The following C10orf90 variants were observed in gnomAD, a reference collection of about 807,000 sequenced individuals.
C10orf90 encodes (E2-independent) E3 ubiquitin-conjugating enzyme FATS.
In C10orf90, 56 loss-of-function variants were observed where a neutral mutation model predicts 62.5. The ratio of observed to expected loss-of-function variants is 0.90; its 90% confidence interval spans 0.72 to 1.12. The LOEUF is 1.12. C10orf90 is among the 50% of genes most tolerant of loss of function. C10orf90 has a pLI of 0.00. For missense variants in C10orf90, 970 were observed against 880.4 expected (o/e 1.10, Z -1.29); for synonymous variants, 386 against 340.4 (o/e 1.13, Z -1.47).
At chr10:126,598,344 T>C (rs1462162145) in intron 2 of C10orf90, among the ~76,000 whole-genome samples, 1 of 152,200 alleles carries the variant, frequency 6.6e-6, no homozygotes, top group Non-Finnish European at 1.5e-5. Flanking sequence ...AATAATTATG[T>C]CTGGCATGCT....
At chr10:126,474,932 G>T (rs2133780564) in intron 4 of C10orf90, among the ~76,000 whole-genome samples, 1 of 152,328 alleles carries the variant, frequency 6.6e-6, no homozygotes, top group Non-Finnish European at 1.5e-5. Context: ...AAGCCGCAGA[G>T]ATCTAAGGAC....
chr10:126,528,922 C>T (rs763091090), intron 2 of C10orf90, among the ~76,000 whole-genome samples: 18 of 152,050 alleles, frequency 1.2e-4, no homozygotes, highest in Non-Finnish European at 2.2e-4. Context: ...CAAAGGCAGA[C>T]GTAGCCAGGG....
Position 126,461,481 on chromosome 10 carries a change from G to A in C10orf90, c.1930C>T (p.Arg644Cys), listed in dbSNP as rs770504519. Reference protein sequence around the residue: ...PSPAAPSPAPRDGAGSPGLSE... With the variant: ...PSPAAPSPAPCDGAGSPGLSE... ...AGGCCAGGGCTCCCTGCTCCATCGC[G>A]GGGTGCTGGCGAGGGTGCTGCTGGG... The change falls in exon 6 of 10, where the codon CGC becomes TGC. Residue 644 changes from arginine (R) to cysteine (C), a missense_variant. Physicochemically the swap from Arg to Cys is radical, Grantham distance 180. Coordinates refer to ENST00000488181, the MANE Select transcript of C10orf90 (RefSeq NM_001350921.2). 13 of 1,613,980 alleles carry A rather than the reference G, an allele frequency of 8.1e-6. No individual in the cohort carries two copies. The highest frequency in any genetic ancestry group is 5.5e-5 in the South Asian group (5 of 91,076).
In C10orf90 at chr10:126,542,801, G is replaced by A. The variant is rs185944576; in HGVS notation, c.314-28862C>T. ...AAATGTAGACTGGTAGAACATTTACGGGAGGAAAACTTGGCAGTATCTATT... is the reference window on the plus strand; with the variant it reads ...AAATGTAGACTGGTAGAACATTTACAGGAGGAAAACTTGGCAGTATCTATT... On this transcript the variant is annotated intron_variant, in intron 2 of 9. Transcript: ENST00000488181. Among the ~76,000 whole-genome samples the A allele has an allele frequency of 4.8e-3, 726 of 152,214 alleles. 5 individuals are homozygous for A. The highest frequency in any genetic ancestry group is 0.017 in the African/African-American group (700 of 41,544).
chr10:126,494,787 A>G (rs1406559952), intron 4 of C10orf90, among the ~76,000 whole-genome samples: 1 of 152,232 alleles, frequency 6.6e-6, no homozygotes, highest in Non-Finnish European at 1.5e-5. Context: ...CTACAAGGGC[A>G]TTTATTTCAA....
intron 2 of C10orf90, among the ~76,000 whole-genome samples, chr10:126,566,195 G>A (rs1393009244): frequency 1.3e-5 from 2 of 152,126 alleles, no homozygotes; most frequent in African/African-American, 2.4e-5. Flanking sequence ...AAACATTCAC[G>A]ATCATGATAC....
At chr10:126,514,007 A>T in intron 2 of C10orf90, 68 bp from the exon 3 acceptor site, 1 of 1,145,606 alleles carries the variant, frequency 8.7e-7, no homozygotes, top group Middle Eastern at 2.1e-4. Flanking sequence ...ATATAACTCT[A>T]CTGTAAAATT....
intron 7 of C10orf90, among the ~76,000 whole-genome samples, chr10:126,431,274 C>T (rs750367514): frequency 7.9e-5 from 12 of 152,130 alleles, no homozygotes; most frequent in Non-Finnish European, 1.3e-4. Flanking sequence ...AGAGAAGTGC[C>T]AGGGTGCAAG....
chr10:126,647,378 G>A (rs1846192523), intron 1 of C10orf90, among the ~76,000 whole-genome samples: 1 of 152,184 alleles, frequency 6.6e-6, no homozygotes, highest in South Asian at 2.1e-4. Flanking sequence ...AGCATGAGCT[G>A]GGCTCTAATT....
intron 2 of C10orf90, among the ~76,000 whole-genome samples, chr10:126,540,264 A>G (rs1488990803): frequency 6.6e-6 from 1 of 152,232 alleles, no homozygotes; most frequent in African/African-American, 2.4e-5. Flanking sequence ...AAAAGTAAAA[A>G]CTGTAAAGTC....
chr10:126,427,365 A>G (rs1857322599), intron 8 of C10orf90, among the ~76,000 whole-genome samples: 1 of 152,224 alleles, frequency 6.6e-6, no homozygotes, highest in African/African-American at 2.4e-5. Flanking sequence ...GACCATCTCA[A>G]TCAGCTGGCA....
chr10:126,456,588 G>T lies in C10orf90; in HGVS notation c.2188+2452C>A, dbSNP rs1314545409. Among the ~76,000 whole-genome samples the T allele has an allele frequency of 1.3e-5, 2 of 152,202 alleles. No homozygotes were observed. The highest frequency in any genetic ancestry group is 2.9e-5 in the Non-Finnish European group (2 of 68,036). On this transcript the variant is annotated intron_variant, in intron 7 of 9. Transcript: ENST00000488181. The surrounding 1 kb of genome is among the most constrained non-coding windows in gnomAD (Gnocchi z 4.9). ...TGTAATGATGTCGCCCCAACAAAAA[G>T]ATATGTTTAAGTCCTAATCCCCCAT...
At chr10:126,519,776 T>C (rs1863640047) in intron 2 of C10orf90, among the ~76,000 whole-genome samples, 1 of 152,314 alleles carries the variant, frequency 6.6e-6, no homozygotes, top group African/African-American at 2.4e-5. Context: ...GTCTTTTTCC[T>C]CTTGGCTAGT....
intron 4 of C10orf90, among the ~76,000 whole-genome samples, chr10:126,474,702 G>A (rs180796520): frequency 3.6e-4 from 55 of 152,210 alleles, no homozygotes; most frequent in African/African-American, 1.3e-3. Flanking sequence ...AAATGTGAAT[G>A]GACTTAACTT....
chr10:126,525,550 T>C (rs884029), intron 2 of C10orf90, among the ~76,000 whole-genome samples: 2,885 of 152,144 alleles, frequency 0.019, 29 homozygotes, highest in Non-Finnish European at 0.029. Flanking sequence ...ACAAATGAGG[T>C]TGGGGCAGCA....
At chr10:126,652,733 T>C (rs1047962365) in intron 1 of C10orf90, among the ~76,000 whole-genome samples, 6 of 152,196 alleles carry the variant, frequency 3.9e-5, no homozygotes, top group African/African-American at 1.2e-4. Flanking sequence ...AATATAGGCA[T>C]GTTAAATACC....
intron 2 of C10orf90, among the ~76,000 whole-genome samples, chr10:126,619,591 C>G (rs1845607066): frequency 6.6e-6 from 1 of 152,192 alleles, no homozygotes. Flanking sequence ...AACTAAGAAT[C>G]TGTTCAAGTG....
chr10:126,622,088 T>A (rs1031184033), intron 2 of C10orf90, among the ~76,000 whole-genome samples: 2 of 152,108 alleles, frequency 1.3e-5, no homozygotes, highest in African/African-American at 4.8e-5. Context: ...GTGTTCCTTT[T>A]CATAGCAGCT....
intron 4 of C10orf90, among the ~76,000 whole-genome samples, chr10:126,465,859 T>C (rs1860254036): frequency 6.6e-6 from 1 of 152,178 alleles, no homozygotes. Flanking sequence ...ATACATTATC[T>C]AATGAGCAAA....
Sources: allele counts gnomAD v4.1 joint callset (sites outside exome capture counted in the v4.1 genomes callset), GRCh38; gene constraint gnomAD v4.1.1; non-coding constraint Gnocchi (gnomAD v3.1); transcripts MANE v1.5; gene names NCBI Gene and HGNC (gene_info 2026-07-23, HGNC 2026-07-21).